RBFOX1: variants seen among roughly 807,000 people sequenced by gnomAD.
RBFOX1 encodes the protein RNA binding fox-1 homolog 1.
Under a neutral mutation model 57.7 loss-of-function variants are expected in RBFOX1, and 8 were observed. The observed-to-expected ratio is 0.14, with a 90% CI of 0.08 to 0.25. RBFOX1 has a LOEUF of 0.25. RBFOX1 is among the 10% of genes least tolerant of loss of function. The probability of loss-of-function intolerance (pLI) is 1.00; values close to 1 mark genes in which losing one functional copy is unlikely to be tolerated. For missense variants in RBFOX1, 611 were observed against 548.5 expected, an observed-to-expected ratio of 1.11 and a Z score of -1.14; for synonymous variants, 326 against 222.4, an observed-to-expected ratio of 1.47 and a Z score of -4.15.
intron 4 of RBFOX1, among the ~76,000 whole-genome samples, chr16:7,354,714 G>A (rs148858313): frequency 2.1e-3 from 324 of 152,190 alleles, no homozygotes; most frequent in African/African-American, 7.4e-3. Context: ...GCGATATGAC[G>A]GCCACTAGTC....
chr16:7,038,088 C>G (rs2045066179), intron 3 of RBFOX1, among the ~76,000 whole-genome samples: 1 of 151,688 alleles, frequency 6.6e-6, no homozygotes, highest in East Asian at 1.9e-4. Context: ...CTTGCCCTCC[C>G]CTCCACACTC....
chr16:7,584,793 G>A (rs1048835646), intron 6 of RBFOX1, among the ~76,000 whole-genome samples: 10 of 152,154 alleles, frequency 6.6e-5, no homozygotes, highest in Non-Finnish European at 1.2e-4. Context: ...TATAAATATA[G>A]TACACAACTG....
chr16:6,977,533 A>G (rs1460645569), intron 3 of RBFOX1, among the ~76,000 whole-genome samples: 2 of 152,062 alleles, frequency 1.3e-5, no homozygotes, highest in Non-Finnish European at 2.9e-5. Context: ...AAATGGAGTC[A>G]CTGTAGTTCG....
exon 3 of RBFOX1, chr16:5,599,101 A>T: frequency 1.2e-6 from 1 of 850,690 alleles, no homozygotes; most frequent in East Asian, 2.6e-5. Flanking sequence ...ACTGGGTTTG[A>T]GGGGAATAAA....
chr16:6,284,821 C>T (rs1325259185), intron 1 of RBFOX1, among the ~76,000 whole-genome samples: 3 of 152,072 alleles, frequency 2.0e-5, no homozygotes, highest in Admixed American at 6.6e-5. Context: ...ATTGTGACTC[C>T]GTTCACATTA....
intron 4 of RBFOX1, among the ~76,000 whole-genome samples, chr16:7,463,429 G>A (rs549283127): frequency 3.0e-4 from 45 of 152,266 alleles, no homozygotes; most frequent in Admixed American, 7.2e-4. Context: ...ACTTGAACCC[G>A]GGACGTAGGG....
intron 2 of RBFOX1, among the ~76,000 whole-genome samples, chr16:6,586,712 G>T (rs1893481562): frequency 6.6e-6 from 1 of 152,124 alleles, no homozygotes; most frequent in African/African-American, 2.4e-5. Flanking sequence ...CCCAGCTCAG[G>T]AGCCTGACGG....
chr16:5,578,072 C>T (rs1311875073), intron 2 of RBFOX1, among the ~76,000 whole-genome samples: 1 of 152,316 alleles, frequency 6.6e-6, no homozygotes. Context: ...CTGCCTCATC[C>T]TCCCGAGTAG....
At chr16:5,750,091 AC>A (rs1384012970) in intron 3 of RBFOX1, among the ~76,000 whole-genome samples, 1 of 152,096 alleles carries the variant, frequency 6.6e-6, no homozygotes, top group Non-Finnish European at 1.5e-5. Context: ...AACAGTCAAG[AC>A]CCTCAGCTGC....
intron 2 of RBFOX1, among the ~76,000 whole-genome samples, chr16:6,584,455 C>T (rs942166234): frequency 6.6e-6 from 1 of 151,692 alleles, no homozygotes; most frequent in Non-Finnish European, 1.5e-5. Context: ...CCAACCTCTG[C>T]CTCCTGGGTT....
In RBFOX1 at chr16:7,189,554, A is replaced by ACACACACACACACAC. The variant is rs1567633599; in HGVS notation, c.27+137456_27+137457insCACACACACACACAC. Among the ~76,000 whole-genome samples the ACACACACACACACAC allele has an allele frequency of 3.5e-3, 473 of 135,850 alleles. 5 individuals are homozygous for ACACACACACACACAC. The highest frequency in any genetic ancestry group is 5.3e-3 in the South Asian group (23 of 4,358). The allele number at this position is 135,850 out of a possible 152,430, so 89.1% of individuals were successfully genotyped here. On this transcript the variant is annotated intron_variant, in intron 4 of 15. Transcript: ENST00000550418. Reference sequence around the variant, plus strand: ...CACTCCAAAACACTATGTCCCCCAAAACACACACACACACACACACACACA... The same window carrying ACACACACACACACAC: ...CACTCCAAAACACTATGTCCCCCAAACACACACACACACACACACACACACACACACACACACACA...
At chr16:7,081,403 G>C (rs190283236) in intron 4 of RBFOX1, among the ~76,000 whole-genome samples, 15 of 152,150 alleles carry the variant, frequency 9.9e-5, no homozygotes, top group Non-Finnish European at 2.2e-4. Context: ...TTGTGTGTTT[G>C]TGTCCTAAAC....
rs143065831 is a variant in RBFOX1, at chr16:6,677,422, T to G, written c.-16+22772T>G. 2.4e-3 allele frequency among the ~76,000 whole-genome samples: 365 copies of G among 152,298 alleles called. 7 individuals are homozygous for G. Among genetic ancestry groups the G allele is most frequent in the Admixed American group, 0.02 (306 of 15,302 alleles). On this transcript the variant is annotated intron_variant, in intron 3 of 15. Coordinates refer to ENST00000550418, the MANE Select transcript of RBFOX1 (RefSeq NM_018723.4). ...AGACTGGAGGCCTATTTTATTAGTCTAAGATCCATGGACTTATTGCCCCTA... is the reference window on the plus strand; with the variant it reads ...AGACTGGAGGCCTATTTTATTAGTCGAAGATCCATGGACTTATTGCCCCTA...
At chr16:7,315,456 A>AACCCC (rs2096414301) in intron 4 of RBFOX1, among the ~76,000 whole-genome samples, 1 of 123,770 alleles carries the variant, frequency 8.1e-6, no homozygotes, top group South Asian at 2.7e-4. Context: ...ACTCTACCCT[A>AACCCC]CCCCCCCCCC....
rs545391281 is a variant in RBFOX1, at chr16:5,375,575, G to T, written c.220-91641G>T. ...TCATCTGCAAAATGGGGTAAGAAGA[G>T]TCCCACATTCTGTGTGAATATGGAC... On this transcript the variant is annotated intron_variant, in intron 1 of 2. Coordinates refer to the RBFOX1 transcript ENST00000585867. Among the ~76,000 whole-genome samples the T allele has an allele frequency of 1.3e-3, 202 of 152,342 alleles. 1 individual carries two copies. The highest frequency in any genetic ancestry group is 2.8e-3 in the Admixed American group (43 of 15,300).
At chr16:7,684,904 A>G in intron 14 of RBFOX1, among the ~76,000 whole-genome samples, 1 of 151,862 alleles carries the variant, frequency 6.6e-6, no homozygotes, top group East Asian at 1.9e-4. Context: ...GTTTTCTTCC[A>G]TTTCTGTCTC....
rs575065967 is a variant in RBFOX1, at chr16:6,763,379, C to T, written c.-16+108729C>T. 3.8e-4 allele frequency among the ~76,000 whole-genome samples: 58 copies of T among 152,320 alleles called. 1 individual carries two copies. Among genetic ancestry groups the T allele is most frequent in the African/African-American group, 1.3e-3 (55 of 41,576 alleles). On this transcript the variant is annotated intron_variant, in intron 3 of 15. Coordinates refer to ENST00000550418, the MANE Select transcript of RBFOX1 (RefSeq NM_018723.4). ...ATTACTTTCCTGTTGGAGAGCCATC[C>T]ATTCCATCAGTATTGTTTGGCACAA...
intron 3 of RBFOX1, among the ~76,000 whole-genome samples, chr16:5,784,661 T>G (rs1022692670): frequency 1.3e-5 from 2 of 152,162 alleles, no homozygotes; most frequent in African/African-American, 4.8e-5. Flanking sequence ...ACATGAGATT[T>G]GGGTGACGAC....
chr16:5,793,300 A>ACAC (rs1435400745), intron 3 of RBFOX1, among the ~76,000 whole-genome samples: 1 of 152,052 alleles, frequency 6.6e-6, no homozygotes, highest in Non-Finnish European at 1.5e-5. Flanking sequence ...CGCCTCCGAA[A>ACAC]CTCAGCTTAA....
Sources: allele counts gnomAD v4.1 joint callset (sites outside exome capture counted in the v4.1 genomes callset), GRCh38; gene constraint gnomAD v4.1.1; transcripts MANE v1.5; gene names NCBI Gene and HGNC (gene_info 2026-07-23, HGNC 2026-07-21).